Variants in ZNF169 observed in about 807,000 individuals in gnomAD.
ZNF169 encodes zinc finger protein 169.
ZNF169 carries 11 observed loss-of-function variants against 12.0 expected under a neutral mutation model. The observed-to-expected ratio is 0.92, with a 90% CI of 0.58 to 1.52. ZNF169 has a LOEUF of 1.52. Ranked by LOEUF, ZNF169 falls within the 40% of genes most tolerant of loss-of-function variation. The probability of loss-of-function intolerance (pLI) is 0.00; values close to 1 mark genes in which losing one functional copy is unlikely to be tolerated. For missense variants in ZNF169, 722 were observed against 744.0 expected (o/e 0.97, Z 0.34); for synonymous variants, 302 against 286.5 (o/e 1.05, Z -0.55).
In ZNF169 at chr9:94,300,221, T is replaced by C. The variant is rs1289322088; in HGVS notation, c.663T>C (p.Leu221=). ...AVIRGNYRLG[L]SKKSSLFSHQ... is the part of the protein sequence containing the mutation. ...TACGTGGAAACTATAGACTGGGACT[T>C]AGCAAAAAGTCAAGCCTGTTCAGCC... Residue 221 remains leucine (L), a synonymous_variant, in exon 5 of 5, where the codon CTT becomes CTC. Transcript: ENST00000395395. 4.3e-6 allele frequency: 7 copies of C among 1,614,042 alleles called. No individual in the cohort carries two copies. In the East Asian group the frequency reaches 1.6e-4, roughly 36 times the overall value.
chr9:94,275,783 TCTG>T (rs1271768939), intron 1 of ZNF169, among the ~76,000 whole-genome samples: 3 of 148,138 alleles, frequency 2.0e-5, no homozygotes, highest in Non-Finnish European at 3.0e-5. Flanking sequence ...CTCTGCACTA[TCTG>T]TTTTTTTTTT....
At chr9:94,297,902 C>T (rs771393696) in intron 4 of ZNF169, among the ~76,000 whole-genome samples, 1 of 152,206 alleles carries the variant, frequency 6.6e-6, no homozygotes, top group Non-Finnish European at 1.5e-5. Context: ...CGCGGTGGCT[C>T]ACGCCTGTAA....
chr9:94,263,538 A>G (rs1377872931), intron 1 of ZNF169, among the ~76,000 whole-genome samples: 1 of 142,468 alleles, frequency 7.0e-6, no homozygotes, highest in South Asian at 2.1e-4. Flanking sequence ...TTTTTAATCT[A>G]TTCTGATAAT....
In ZNF169 at chr9:94,299,970, A is replaced by G; in HGVS notation, c.412A>G (p.Ser138Gly). ...DFQLEAPRCS[S>G]EKGESGETEG... ...CCAACTAGAAGCTCCAAGATGCTCT[A>G]GTGAAAAAGGAGAAAGTGGAGAGAC... Residue 138 changes from serine (S) to glycine (G), a missense_variant, in exon 5 of 5, where the codon AGT (serine) becomes GGT (glycine). Physicochemically the swap from Ser to Gly is moderately conservative, Grantham distance 56. Transcript: ENST00000395395. 2.5e-6 allele frequency: 4 copies of G among 1,614,158 alleles called. No individual in the cohort carries two copies. Among genetic ancestry groups the G allele is most frequent in the South Asian group, 1.1e-5 (1 of 91,084 alleles).
intron 1 of ZNF169, among the ~76,000 whole-genome samples, chr9:94,264,143 T>C (rs1054125708): frequency 1.3e-5 from 1 of 79,466 alleles, no homozygotes; most frequent in African/African-American, 2.8e-5. Context: ...CAGTCTTTTA[T>C]TTTATCTTTT....
In ZNF169 at chr9:94,278,732, C is replaced by G. The variant is rs369422298; in HGVS notation, c.-55-26C>G. 1.6e-4 allele frequency: 215 copies of G among 1,367,342 alleles called. No individual in the cohort carries two copies. The African/African-American group carries it at 2.5e-3, about 16-fold the overall frequency. The allele number at this position is 1,367,342 out of a possible 1,614,324, so 84.7% of individuals were successfully genotyped here. On this transcript the variant is annotated intron_variant, in intron 1 of 4. Transcript: ENST00000395395. ...TGAAGGGTGTTCTTCCCAAGTACCT[C>G]TCTCACTTCTCATCTCTTTCCCCAG...
chr9:94,275,750 T>C (rs1830506076), intron 1 of ZNF169, among the ~76,000 whole-genome samples: 1 of 151,978 alleles, frequency 6.6e-6, no homozygotes, highest in Non-Finnish European at 1.5e-5. Context: ...TTTCTCACCA[T>C]TAAATATGAT....
chr9:94,271,634 C>T lies in ZNF169; in HGVS notation c.-55-7124C>T, dbSNP rs538461785. Among the ~76,000 whole-genome samples, 602 of 149,168 alleles carry T rather than the reference C, an allele frequency of 4.0e-3. 6 individuals are homozygous for T. The highest frequency in any genetic ancestry group is 0.014 in the African/African-American group (577 of 40,488). On this transcript the variant is annotated intron_variant, in intron 1 of 4. Transcript: ENST00000395395. ...ACTTGGGAGGCTGAGGTGGGAGAAT[C>T]GCTTGAACCCAGGAGGCGGAGGTTG...
At chr9:94,292,585 A>G in intron 3 of ZNF169, 118 bp downstream of exon 3, 1 of 1,264,726 alleles carries the variant, frequency 7.9e-7, no homozygotes, top group East Asian at 3.0e-5. Flanking sequence ...CCCCCAGAGA[A>G]TGCCTGGCTT....
intron 1 of ZNF169, among the ~76,000 whole-genome samples, chr9:94,265,023 T>TTTG (rs1309423551): frequency 1.4e-5 from 2 of 138,508 alleles, no homozygotes; most frequent in East Asian, 2.0e-4. Flanking sequence ...TGTACCCTGT[T>TTTG]TTTTTTTTTT....
At chr9:94,298,665 GTT>G (rs1399822095) in intron 4 of ZNF169, among the ~76,000 whole-genome samples, 1 of 150,244 alleles carries the variant, frequency 6.7e-6, no homozygotes, top group Admixed American at 6.7e-5. Flanking sequence ...TGAACCAGAG[GTT>G]GCAGTCAGCC....
chr9:94,266,325 C>T (rs1037331720), intron 1 of ZNF169, among the ~76,000 whole-genome samples: 1 of 152,154 alleles, frequency 6.6e-6, no homozygotes, highest in Non-Finnish European at 1.5e-5. Flanking sequence ...ATTTATTTGT[C>T]ACAAGAATTG....
chr9:94,268,024 C>A (rs951058727), intron 1 of ZNF169, among the ~76,000 whole-genome samples: 2 of 145,384 alleles, frequency 1.4e-5, no homozygotes, highest in South Asian at 4.5e-4. Context: ...TGCCACCATA[C>A]CCAGCTAATT....
At chr9:94,269,081 T>G (rs760431214) in intron 1 of ZNF169, among the ~76,000 whole-genome samples, 1 of 151,928 alleles carries the variant, frequency 6.6e-6, no homozygotes, top group African/African-American at 2.4e-5. Context: ...AAAAAAAAAT[T>G]TTTCCTTCCC....
chr9:94,271,929 A>G (rs1830431765), intron 1 of ZNF169, among the ~76,000 whole-genome samples: 1 of 98,884 alleles, frequency 1.0e-5, no homozygotes, highest in South Asian at 3.5e-4. Flanking sequence ...CGTCTCTCCT[A>G]CTTGTATTTG....
intron 1 of ZNF169, among the ~76,000 whole-genome samples, chr9:94,274,370 A>G (rs1308421362): frequency 1.3e-5 from 2 of 152,204 alleles, no homozygotes; most frequent in Admixed American, 6.5e-5. Flanking sequence ...TATTAGAATC[A>G]CCGAGTTCAA....
At position 94,264,605 on chromosome 9, in the gene ZNF169, A is replaced by C. The variant is rs542312020; in HGVS notation, c.-56+5260A>C. 1.9e-4 allele frequency among the ~76,000 whole-genome samples: 29 copies of C among 152,256 alleles called. No homozygotes were observed. In the East Asian group the frequency reaches 5.4e-3, roughly 28 times the overall value. ...TTACAGGGCAGGTCTGCTGACGATAAATTTTACTGGTTTTCTTTTACTTGA... is the reference window on the plus strand; with the variant it reads ...TTACAGGGCAGGTCTGCTGACGATACATTTTACTGGTTTTCTTTTACTTGA... On this transcript the variant is annotated intron_variant, in intron 1 of 4. Transcript: ENST00000395395.
intron 1 of ZNF169, among the ~76,000 whole-genome samples, chr9:94,265,829 C>T (rs1353383069): frequency 6.6e-6 from 1 of 152,026 alleles, no homozygotes; most frequent in Admixed American, 6.6e-5. Flanking sequence ...CCCTCAGATC[C>T]TCAGTAAACT....
At chr9:94,286,609 A>G (rs975258952) in intron 2 of ZNF169, among the ~76,000 whole-genome samples, 2 of 152,222 alleles carry the variant, frequency 1.3e-5, no homozygotes, top group African/African-American at 2.4e-5. Flanking sequence ...TTAATTCCAC[A>G]CAAAATGCAA....
Sources: gnomAD v4.1 joint callset for allele counts (sites outside exome capture counted in the v4.1 genomes callset) on GRCh38, gnomAD v4.1.1 for gene constraint, MANE v1.5 for transcripts, NCBI Gene and HGNC (gene_info 2026-07-23, HGNC 2026-07-21) for gene names.